COL28A1: variants seen among roughly 807,000 people sequenced by gnomAD.
The protein encoded by COL28A1 is collagen alpha-1(XXVIII) chain.
In COL28A1, 161 loss-of-function variants were observed where a neutral mutation model predicts 150.2. The observed-to-expected ratio is 1.07, with a 90% CI of 0.94 to 1.22. The LOEUF (loss-of-function observed/expected upper bound fraction) is 1.22. Ranked by LOEUF, COL28A1 falls within the 50% of genes most tolerant of loss-of-function variation. The pLI is 0.00. For missense variants in COL28A1, 1,617 were observed against 1,388.3 expected (o/e 1.16, Z -2.62); for synonymous variants, 552 against 469.7 (o/e 1.18, Z -2.26).
intron 27 of COL28A1, among the ~76,000 whole-genome samples, chr7:7,393,714 C>T (rs1249024898): frequency 2.0e-5 from 3 of 152,180 alleles, no homozygotes; most frequent in Admixed American, 6.5e-5. Context: ...TGGAGGATTC[C>T]ACCCAATTGG....
chr7:7,440,829 A>C lies in COL28A1; in HGVS notation c.1683T>G (p.Asn561Lys). ...GCCCTGGAAGTCCCCTCTGTCCTTG[A>C]TTTCCTTTGCTCCCTTTCTTGCCTT... is the stretch of plus-strand genomic sequence containing the variant. The part of the protein sequence containing the change: ...GDEGKKGSKG[N>K]QGQRGLPGPE... The change falls in exon 21 of 35, where the codon AAT (asparagine) becomes AAG (lysine). Residue 561 changes from asparagine to lysine, a missense_variant. Asn to Lys is a moderately conservative substitution (Grantham distance 94). Coordinates refer to ENST00000399429, the MANE Select transcript of COL28A1 (RefSeq NM_001037763.3). 6.4e-7 allele frequency: 1 copy of C among 1,555,180 alleles called. No homozygotes were observed. Among genetic ancestry groups the C allele is most frequent in the Non-Finnish European group, 8.9e-7 (1 of 1,127,404 alleles).
At chr7:7,474,546 G>GA in intron 15 of COL28A1, 55 bp downstream of exon 15, 1 of 846,496 alleles carries the variant, frequency 1.2e-6, no homozygotes, top group Non-Finnish European at 2.0e-6. Context: ...CATACATAAA[G>GA]AACAATGACA....
chr7:7,453,204 T>C (rs1786853153), intron 17 of COL28A1, among the ~76,000 whole-genome samples: 1 of 152,160 alleles, frequency 6.6e-6, no homozygotes, highest in African/African-American at 2.4e-5. Context: ...ATCTCATAAA[T>C]AAAAGTAACA....
chr7:7,485,552 A>G (rs1274386880), intron 13 of COL28A1, among the ~76,000 whole-genome samples: 1 of 152,182 alleles, frequency 6.6e-6, no homozygotes, highest in Non-Finnish European at 1.5e-5. Flanking sequence ...ACGATCCTAA[A>G]GATTTTCTCA....
intron 18 of COL28A1, 34 bp from the exon 19 acceptor site, chr7:7,444,523 G>A (rs770206810): frequency 6.2e-7 from 1 of 1,600,568 alleles, no homozygotes; most frequent in East Asian, 2.2e-5. Flanking sequence ...TTTCCCTAAA[G>A]TTCATACCTC....
intron 18 of COL28A1, among the ~76,000 whole-genome samples, chr7:7,451,079 G>A (rs1183637197): frequency 6.6e-6 from 1 of 152,144 alleles, no homozygotes; most frequent in Non-Finnish European, 1.5e-5. Context: ...ATTGGGGAGT[G>A]CCAGCAGGGA....
chr7:7,350,218 T>C, the COL28A1 span, among the ~76,000 whole-genome samples: 2 of 151,980 alleles, frequency 1.3e-5, no homozygotes, highest in Non-Finnish European at 2.9e-5. Flanking sequence ...AGAAGTAAGA[T>C]AGACCAGACC....
chr7:7,504,096 C>A (rs1253543826), intron 11 of COL28A1, among the ~76,000 whole-genome samples: 1 of 152,048 alleles, frequency 6.6e-6, no homozygotes, highest in Admixed American at 6.5e-5. Context: ...TATAACCAAC[C>A]CCCCCAAAAC....
intron 10 of COL28A1, among the ~76,000 whole-genome samples, chr7:7,506,506 G>A (rs1218558769): frequency 6.6e-6 from 1 of 152,112 alleles, no homozygotes; most frequent in African/African-American, 2.4e-5. Context: ...TTAACTAGAT[G>A]GTGTCTAGGA....
intron 16 of COL28A1, among the ~76,000 whole-genome samples, chr7:7,455,625 G>C (rs1787092326): frequency 6.6e-6 from 1 of 152,124 alleles, no homozygotes. Flanking sequence ...TGGATATGTG[G>C]CTAGTTAGAG....
chr7:7,447,405 C>T (rs1195439927), intron 18 of COL28A1, among the ~76,000 whole-genome samples: 2 of 151,382 alleles, frequency 1.3e-5, no homozygotes, highest in African/African-American at 2.4e-5. Context: ...ATAGCAAGAC[C>T]CCATCTTTTA....
intron 33 of COL28A1, 78 bp downstream of exon 33, chr7:7,370,647 A>C: frequency 8.2e-7 from 1 of 1,224,628 alleles, no homozygotes. Context: ...TTGACAATGC[A>C]GGGCAGAATG....
At position 7,443,130 on chromosome 7, in the gene COL28A1, C is replaced by T. The variant is rs532212791; in HGVS notation, c.1650+455G>A. On this transcript the variant is annotated intron_variant, in intron 20 of 34. Coordinates refer to ENST00000399429, the MANE Select transcript of COL28A1 (RefSeq NM_001037763.3). ...TCCTATTGATGAATTTGTATAGTCT[C>T]ATCTTAACATATAAAAATGTTATTC... Among the ~76,000 whole-genome samples the T allele has an allele frequency of 5.9e-5, 9 of 152,096 alleles. No individual in the cohort carries two copies. In the South Asian group the frequency reaches 1.9e-3, roughly 32 times the overall value.
chr7:7,531,812 T>G lies in COL28A1; in HGVS notation c.217A>C (p.Ser73Arg), dbSNP rs779252295. 1 of 1,603,442 alleles carries G rather than the reference T, an allele frequency of 6.2e-7. No homozygotes were observed. Among genetic ancestry groups the G allele is most frequent in the Non-Finnish European group, 8.5e-7 (1 of 1,170,242 alleles). Residue 73 changes from serine (S) to arginine (R), a missense_variant, in exon 3 of 35, where the codon AGC becomes CGC. Coordinates refer to ENST00000399429, the MANE Select transcript of COL28A1 (RefSeq NM_001037763.3). ...LFDKQKDFVD[S>R]LSDKIFQLTP... ...AATTGGAAAATCTTGTCACTCAAGC[T>G]ATCCACAAAATCTTTCTGTTTATCA... is the stretch of plus-strand genomic sequence containing the variant.
At chr7:7,537,612 C>T (rs533224597), upstream of COL28A1, among the ~76,000 whole-genome samples, 2 of 152,310 alleles carry the variant, frequency 1.3e-5, no homozygotes, top group East Asian at 3.9e-4. Flanking sequence ...CTGTGAGCCT[C>T]ACTTATAACA....
At chr7:7,396,875 A>C (rs1782863436) in intron 27 of COL28A1, among the ~76,000 whole-genome samples, 1 of 152,140 alleles carries the variant, frequency 6.6e-6, no homozygotes, top group Non-Finnish European at 1.5e-5. Context: ...AAACAGTTTA[A>C]AACCTGCACC....
chr7:7,531,789 T>C lies in COL28A1; in HGVS notation c.240A>G (p.Gln80=), dbSNP rs17168526. The change falls in exon 3 of 35, where the codon CAA becomes CAG. Residue 80 remains glutamine, a synonymous_variant. Transcript: ENST00000399429. ...ATTCCAAGGAGCGACCAGGAGTCAATTGGAAAATCTTGTCACTCAAGCTAT... is the reference window on the plus strand; with the variant it reads ...ATTCCAAGGAGCGACCAGGAGTCAACTGGAAAATCTTGTCACTCAAGCTAT... ...FVDSLSDKIF[Q]LTPGRSLEYD... 4.3e-3 allele frequency: 6,832 copies of C among 1,605,212 alleles called. 243 individuals carry two copies. The African/African-American group carries it at 0.077, about 18-fold the overall frequency.
At chr7:7,442,719 A>G (rs1785908401) in intron 20 of COL28A1, among the ~76,000 whole-genome samples, 1 of 152,164 alleles carries the variant, frequency 6.6e-6, no homozygotes, top group African/African-American at 2.4e-5. Flanking sequence ...CAATCTTTAC[A>G]TGGGAATTGA....
chr7:7,351,747 A>G (rs73038708), downstream of COL28A1, among the ~76,000 whole-genome samples: 4,379 of 152,066 alleles, frequency 0.029, 106 homozygotes, highest in Non-Finnish European at 0.046. Flanking sequence ...ACAAAATGTC[A>G]TGTGTGTGTG....
Sources: gnomAD v4.1 joint callset for allele counts (sites outside exome capture counted in the v4.1 genomes callset) on GRCh38, gnomAD v4.1.1 for gene constraint, MANE v1.5 for transcripts, NCBI Gene and HGNC (gene_info 2026-07-23, HGNC 2026-07-21) for gene names.